GSS: variants seen among roughly 807,000 people sequenced by gnomAD.
GSS encodes the protein GSH synthetase.
In GSS, 34 loss-of-function variants were observed where a neutral mutation model predicts 60.4. That is an observed-to-expected ratio of 0.56 (90% CI 0.43 to 0.75). The LOEUF (loss-of-function observed/expected upper bound fraction) is 0.75. Ranked by LOEUF, GSS falls within the 30% of genes least tolerant of loss-of-function variation. The pLI is 0.00. For missense variants in GSS, 499 were observed against 595.1 expected (o/e 0.84, Z 1.68); for synonymous variants, 224 against 239.0 (o/e 0.94, Z 0.58).
Position 34,951,822 on chromosome 20 carries a change from C to T in GSS, c.31G>A (p.Asp11Asn). The T allele has an allele frequency of 1.9e-6, 3 of 1,614,190 alleles. No homozygotes were observed. In the South Asian group the frequency reaches 3.3e-5, roughly 18 times the overall value. Reference protein sequence around the residue: MATNWGSLLQDKQQLEELARQ... With the variant: MATNWGSLLQNKQQLEELARQ... ...GCCAGCTCCTCTAGCTGCTGTTTAT[C>T]CTGCAAGAGGCTCCCCCAGTTGGTG... Residue 11 changes from aspartate to asparagine, a missense_variant, in exon 2 of 13, where the codon GAT becomes AAT. By Grantham distance (23) the Asp-to-Asn change is conservative (BLOSUM62 1). Transcript: ENST00000651619.
intron 2 of GSS, 112 bp downstream of exon 2, chr20:34,951,611 GA>G: frequency 5.7e-6 from 7 of 1,227,030 alleles, no homozygotes; most frequent in Non-Finnish European, 8.0e-6. Context: ...TTAGTTACTG[GA>G]AAAAATAAGG....
chr20:34,942,813 C>CAGTG (rs1301776930), intron 4 of GSS, 118 bp downstream of exon 4: 1 of 904,102 alleles, frequency 1.1e-6, no homozygotes, highest in Non-Finnish European at 1.8e-6. Flanking sequence ...CAGTGAGGAC[C>CAGTG]AGTGAGAGGC....
intron 4 of GSS, 49 bp downstream of exon 4, chr20:34,942,882 G>C (rs780810901): frequency 7.6e-7 from 1 of 1,312,662 alleles, no homozygotes; most frequent in South Asian, 1.2e-5. Flanking sequence ...AAAACAAACA[G>C]AGATGGGAGG....
chr20:34,942,203 C>G (rs1464835185), intron 5 of GSS, among the ~76,000 whole-genome samples: 2 of 152,144 alleles, frequency 1.3e-5, no homozygotes, highest in Admixed American at 6.5e-5. Context: ...GCCCAGCCCC[C>G]AGACAGAAGT....
chr20:34,947,018 A>G (rs560708193), intron 2 of GSS, among the ~76,000 whole-genome samples: 5 of 152,294 alleles, frequency 3.3e-5, no homozygotes, highest in African/African-American at 9.6e-5. Flanking sequence ...CTTTGAGTTA[A>G]TATCAGTTTG....
intron 3 of GSS, 50 bp from the exon 4 acceptor site, chr20:34,943,056 T>A (rs1373738487): frequency 1.6e-6 from 2 of 1,252,330 alleles, no homozygotes; most frequent in Admixed American, 3.8e-5. Flanking sequence ...GACCTAAAAT[T>A]TCAAGGAGTC....
At chr20:34,932,789 C>T (rs1024466805) in intron 9 of GSS, among the ~76,000 whole-genome samples, 13 of 152,248 alleles carry the variant, frequency 8.5e-5, no homozygotes, top group Middle Eastern at 3.4e-3. Context: ...CACACATACA[C>T]GCACACGCAC....
intron 8 of GSS, among the ~76,000 whole-genome samples, chr20:34,936,317 G>GT: frequency 6.6e-6 from 1 of 152,176 alleles, no homozygotes; most frequent in Non-Finnish European, 1.5e-5. Flanking sequence ...ACCCAAATAT[G>GT]TAGCACCAAA....
chr20:34,946,003 T>C lies in GSS; in HGVS notation c.225A>G (p.Leu75=). Residue 75 remains leucine, a synonymous_variant, in exon 3 of 13, where the codon CTA becomes CTG. Transcript: ENST00000651619. The part of the protein sequence containing the change: ...AYAVQMDFNL[L]VDAVSQNAAF... Reference sequence around the variant, plus strand: ...CAGCGTTCTGGCTGACAGCATCCACTAGCAGGTTGAAGTCCATCTGCACAG... The same window carrying C: ...CAGCGTTCTGGCTGACAGCATCCACCAGCAGGTTGAAGTCCATCTGCACAG... 6.2e-7 allele frequency: 1 copy of C among 1,614,148 alleles called. No homozygotes were observed. The highest frequency in any genetic ancestry group is 8.5e-7 in the Non-Finnish European group (1 of 1,179,964).
In GSS at chr20:34,931,352, G is replaced by A. The variant is rs760518567; in HGVS notation, c.1095C>T (p.Pro365=). 1.2e-6 allele frequency: 2 copies of A among 1,613,882 alleles called. No individual in the cohort carries two copies. Among genetic ancestry groups the A allele is most frequent in the Non-Finnish European group, 1.7e-6 (2 of 1,179,860 alleles). The change falls in exon 11 of 13, where the codon CCC becomes CCT. Residue 365 remains proline (P), a synonymous_variant. Transcript: ENST00000651619. ...TCCACCTACCTCCACCCTCTCTCTG[G>A]GGCTTTAGCACAAACCGGCTAGGGG... ...LAAPSRFVLK[P]QREGGGNNLY...
rs558398369 is a variant in GSS, at chr20:34,931,368, C to A, written c.1079G>T (p.Arg360Leu). The A allele has an allele frequency of 6.2e-7, 1 of 1,614,180 alleles. No homozygotes were observed. Among genetic ancestry groups the A allele is most frequent in the Non-Finnish European group, 8.5e-7 (1 of 1,180,000 alleles). The stretch of plus-strand genomic sequence containing the variant: ...CTCTCTCTGGGGCTTTAGCACAAAC[C>A]GGCTAGGGGCAGCAAGGGCCTCGGC... ...AIAEALAAPS[R>L]FVLKPQREGG... Residue 360 changes from arginine to leucine, a missense_variant, in exon 11 of 13, where the codon CGG becomes CTG. Coordinates refer to ENST00000651619, the MANE Select transcript of GSS (RefSeq NM_000178.4).
Position 34,931,435 on chromosome 20 carries a change from G to C in GSS, c.1030-18C>G. On this transcript the variant is annotated intron_variant, in intron 10 of 12. Transcript: ENST00000651619. ...TCTTCACCCTGGCAGGAGGCAGAAA[G>C]CAGTTATCAAAAGTTTAAAGGCTAA... 6.2e-7 allele frequency: 1 copy of C among 1,609,270 alleles called. No homozygotes were observed. Among genetic ancestry groups the C allele is most frequent in the Non-Finnish European group, 8.5e-7 (1 of 1,175,594 alleles).
At chr20:34,934,158 CAA>C (rs887561963) in intron 9 of GSS, 3 of 148,306 alleles carry the variant, frequency 2.0e-5, no homozygotes, top group Admixed American at 6.8e-5. Flanking sequence ...GCCTGGTCAA[CAA>C]GAGCAAAACT....
chr20:34,929,898 C>T lies in GSS; in HGVS notation c.1112-308G>A, dbSNP rs145121339. The stretch of plus-strand genomic sequence containing the variant: ...GGGTCCCAGGGGAATTGGTCCTCCA[C>T]GCTTGCTCTCTCCCCCATGTACATT... On this transcript the variant is annotated intron_variant, in intron 11 of 12. Coordinates refer to ENST00000651619, the MANE Select transcript of GSS (RefSeq NM_000178.4). Among the ~76,000 whole-genome samples the T allele has an allele frequency of 1.4e-3, 216 of 152,282 alleles. 1 individual carries two copies. The highest frequency in any genetic ancestry group is 4.9e-3 in the African/African-American group (204 of 41,554).
intron 6 of GSS, among the ~76,000 whole-genome samples, chr20:34,937,813 C>T (rs1230211591): frequency 6.6e-6 from 1 of 152,172 alleles, no homozygotes; most frequent in Non-Finnish European, 1.5e-5. Context: ...ATTCCTAGGG[C>T]TAATGCTCAG....
At chr20:34,936,584 A>G (rs34739274) in intron 8 of GSS, among the ~76,000 whole-genome samples, 179 bp downstream of exon 8, 159 of 152,374 alleles carry the variant, frequency 1.0e-3, no homozygotes, top group African/African-American at 3.6e-3. Context: ...AACAGCTCTG[A>G]TAGAAGCACA....
intron 11 of GSS, among the ~76,000 whole-genome samples, chr20:34,930,607 ATCT>A (rs942963964): frequency 6.6e-6 from 1 of 152,118 alleles, no homozygotes. Context: ...ATTCCAGGAC[ATCT>A]TCTACAATGC....
intron 2 of GSS, among the ~76,000 whole-genome samples, chr20:34,950,640 A>C (rs1161873828): frequency 2.0e-5 from 3 of 151,844 alleles, no homozygotes; most frequent in Non-Finnish European, 4.4e-5. Context: ...GTAGTGGCAC[A>C]TGCCTGTAGT....
chr20:34,943,061 G>A, intron 3 of GSS, 55 bp from the exon 4 acceptor site: 2 of 1,189,718 alleles, frequency 1.7e-6, no homozygotes. Flanking sequence ...AAAATTTCAA[G>A]GAGTCCCATC....
Sources: allele counts gnomAD v4.1 joint callset (sites outside exome capture counted in the v4.1 genomes callset), GRCh38; gene constraint gnomAD v4.1.1; transcripts MANE v1.5; gene names NCBI Gene and HGNC (gene_info 2026-07-23, HGNC 2026-07-21).